PTPRD: variants seen among roughly 807,000 people sequenced by gnomAD.
PTPRD encodes the protein receptor-type tyrosine-protein phosphatase delta.
PTPRD carries 34 observed loss-of-function variants against 214.5 expected under a neutral mutation model. The ratio of observed to expected loss-of-function variants is 0.16; its 90% CI spans 0.12 to 0.21. PTPRD has a LOEUF of 0.21. Ranked by LOEUF, PTPRD falls within the 10% of genes least tolerant of loss-of-function variation. The probability of loss-of-function intolerance (pLI) is 1.00; values close to 1 mark genes in which losing one functional copy is unlikely to be tolerated. For missense variants in PTPRD, 2,545 were observed against 2,398.7 expected (o/e 1.06, Z -1.27); for synonymous variants, 1,128 against 845.7 (o/e 1.33, Z -5.79).
intron 34 of PTPRD, among the ~76,000 whole-genome samples, chr9:8,438,452 T>G (rs1187586117): frequency 1.3e-5 from 2 of 152,232 alleles, no homozygotes; most frequent in Non-Finnish European, 2.9e-5. Flanking sequence ...AACAAAATTT[T>G]GGAACCCTTT....
At position 10,210,315 on chromosome 9, in the gene PTPRD, CTCAGACAAAAGT is replaced by C. The variant is rs2099509616; in HGVS notation, c.-545+130636_-545+130647del. 3.9e-5 allele frequency among the ~76,000 whole-genome samples: 6 copies of C among 152,106 alleles called. No individual in the cohort carries two copies. The South Asian group carries it at 1.2e-3, about 32-fold the overall frequency. ...GAGGAGAGAAAAAAATGTCAGAGAG[CTCAGACAAAAGT>C]GAGAAGATGGAGAGATAATAGTATG... On this transcript the variant is annotated intron_variant, in intron 3 of 45. Coordinates refer to ENST00000381196, the MANE Select transcript of PTPRD (RefSeq NM_002839.4).
intron 12 of PTPRD, among the ~76,000 whole-genome samples, chr9:8,692,911 A>G (rs935274911): frequency 1.3e-5 from 2 of 152,244 alleles, no homozygotes; most frequent in African/African-American, 4.8e-5. Context: ...GCAGTAAACT[A>G]AATTCACTAC....
At chr9:9,123,478 A>G (rs2099819559) in intron 10 of PTPRD, among the ~76,000 whole-genome samples, 1 of 152,216 alleles carries the variant, frequency 6.6e-6, no homozygotes, top group Non-Finnish European at 1.5e-5. Flanking sequence ...ATTGTAGTCC[A>G]GATTAGAAAG....
intron 2 of PTPRD, among the ~76,000 whole-genome samples, chr9:10,349,752 C>T (rs192882431): frequency 1.4e-3 from 220 of 152,230 alleles, no homozygotes; most frequent in African/African-American, 5.1e-3. Flanking sequence ...TGAATAATTG[C>T]ATCACAAAGA....
At chr9:8,355,009 G>A (rs796745269) in intron 39 of PTPRD, among the ~76,000 whole-genome samples, 30 of 152,238 alleles carry the variant, frequency 2.0e-4, no homozygotes, top group African/African-American at 7.0e-4. Flanking sequence ...GATATAGTTT[G>A]GATATGTGTA....
chr9:9,426,810 C>G (rs1312858115), intron 8 of PTPRD, among the ~76,000 whole-genome samples: 1 of 152,136 alleles, frequency 6.6e-6, no homozygotes, highest in Non-Finnish European at 1.5e-5. Context: ...TGGAGTGGAC[C>G]TCCAGCAAAC....
At chr9:10,109,044 A>T (rs1353312987) in intron 3 of PTPRD, among the ~76,000 whole-genome samples, 2 of 152,180 alleles carry the variant, frequency 1.3e-5, no homozygotes, top group Non-Finnish European at 2.9e-5. Flanking sequence ...TAAGGCACTA[A>T]AACAGGCTAC....
intron 8 of PTPRD, among the ~76,000 whole-genome samples, chr9:9,477,572 T>C (rs186488790): frequency 6.6e-4 from 100 of 152,342 alleles, no homozygotes; most frequent in African/African-American, 2.2e-3. Flanking sequence ...GGCTGGTGTT[T>C]TTTATCTTAA....
At chr9:9,215,441 T>C (rs2099951553) in intron 9 of PTPRD, among the ~76,000 whole-genome samples, 1 of 152,126 alleles carries the variant, frequency 6.6e-6, no homozygotes, top group South Asian at 2.1e-4. Context: ...AAATCAAATG[T>C]GATAATTTAT....
intron 8 of PTPRD, among the ~76,000 whole-genome samples, chr9:9,441,186 GA>G (rs1198911711): frequency 1.3e-5 from 2 of 152,254 alleles, no homozygotes; most frequent in African/African-American, 2.4e-5. Context: ...AGCACTACCT[GA>G]CGACAAGACT....
At position 9,443,773 on chromosome 9, in the gene PTPRD, G is replaced by T. The variant is rs10120184; in HGVS notation, c.-236-46291C>A. Among the ~76,000 whole-genome samples, 661 of 152,236 alleles carry T rather than the reference G, an allele frequency of 4.3e-3. 8 individuals are homozygous for T. The highest frequency in any genetic ancestry group is 0.015 in the African/African-American group (606 of 41,534). On this transcript the variant is annotated intron_variant, in intron 8 of 45. Transcript: ENST00000381196. ...TCTAGTTGGCACCCATGGAATAGAAGTGCCAAGCTGACCCTCTGGAGGTCC... is the reference window on the plus strand; with the variant it reads ...TCTAGTTGGCACCCATGGAATAGAATTGCCAAGCTGACCCTCTGGAGGTCC...
chr9:9,977,776 G>T (rs1036526897), intron 4 of PTPRD, among the ~76,000 whole-genome samples: 1 of 152,014 alleles, frequency 6.6e-6, no homozygotes, highest in Non-Finnish European at 1.5e-5. Context: ...GGGAATTTAG[G>T]GTTTATTTGA....
At chr9:9,043,434 G>A (rs1171157817) in intron 10 of PTPRD, among the ~76,000 whole-genome samples, 1 of 152,084 alleles carries the variant, frequency 6.6e-6, no homozygotes, top group African/African-American at 2.4e-5. Context: ...TTCATTATCA[G>A]GATGACCTCG....
At chr9:9,326,734 A>G (rs1172431376) in intron 9 of PTPRD, among the ~76,000 whole-genome samples, 3 of 152,146 alleles carry the variant, frequency 2.0e-5, no homozygotes, top group Non-Finnish European at 4.4e-5. Context: ...AGGTAGAAGA[A>G]TCTCAAACAG....
chr9:10,143,726 TA>T (rs951186228), intron 3 of PTPRD, among the ~76,000 whole-genome samples: 6 of 152,090 alleles, frequency 3.9e-5, no homozygotes, highest in South Asian at 2.1e-4. Context: ...TATGCAGCCA[TA>T]AAAAAATGAA....
intron 9 of PTPRD, among the ~76,000 whole-genome samples, chr9:9,241,032 A>T (rs1012384438): frequency 6.6e-6 from 1 of 152,172 alleles, no homozygotes; most frequent in African/African-American, 2.4e-5. Context: ...GGACTGGGTG[A>T]GAATTTTCAG....
At chr9:10,258,793 G>A (rs1407828769) in intron 3 of PTPRD, among the ~76,000 whole-genome samples, 1 of 151,942 alleles carries the variant, frequency 6.6e-6, no homozygotes, top group Non-Finnish European at 1.5e-5. Flanking sequence ...AAAAACAAGT[G>A]GTTAAAAATT....
At chr9:8,665,896 A>G (rs2097160039) in intron 12 of PTPRD, among the ~76,000 whole-genome samples, 1 of 152,228 alleles carries the variant, frequency 6.6e-6, no homozygotes, top group Admixed American at 6.5e-5. Flanking sequence ...CTGATAAGAT[A>G]CACTGTGGTT....
At chr9:10,425,510 C>T (rs1295761132) in intron 2 of PTPRD, among the ~76,000 whole-genome samples, 5 of 151,906 alleles carry the variant, frequency 3.3e-5, no homozygotes, top group Non-Finnish European at 7.4e-5. Flanking sequence ...TGAGGTATGT[C>T]CTTATAGCAT....
Sources: gnomAD v4.1 joint callset for allele counts (sites outside exome capture counted in the v4.1 genomes callset) on GRCh38, gnomAD v4.1.1 for gene constraint, MANE v1.5 for transcripts, NCBI Gene and HGNC (gene_info 2026-07-23, HGNC 2026-07-21) for gene names.